Variants in FAM229B observed in about 807,000 individuals in gnomAD.
The protein encoded by FAM229B is family with sequence similarity 229 member B.
In FAM229B, 2 loss-of-function variants were observed where a neutral mutation model predicts 6.7. The ratio of observed to expected loss-of-function variants is 0.30; its 90% CI spans 0.12 to 0.94. The LOEUF (loss-of-function observed/expected upper bound fraction) is 0.94. Ranked by LOEUF, FAM229B falls within the 40% of genes least tolerant of loss-of-function variation. The probability of loss-of-function intolerance (pLI) is 0.54; values close to 1 mark genes in which losing one functional copy is unlikely to be tolerated. For synonymous variants in FAM229B, 29 were observed against 34.0 expected (o/e 0.85, Z 0.51); for missense variants, 93 against 96.2 (o/e 0.97, Z 0.14).
At chr6:112,091,373 C>G (rs1777254706) in intron 1 of FAM229B, among the ~76,000 whole-genome samples, 2 of 152,074 alleles carry the variant, frequency 1.3e-5, no homozygotes, top group South Asian at 4.1e-4. Flanking sequence ...AGGAAAGAAC[C>G]ACTGGAAATA....
At chr6:112,099,210 C>T (rs1406358032) in intron 2 of FAM229B, 60 bp from the exon 3 acceptor site, 4 of 1,429,126 alleles carry the variant, frequency 2.8e-6, no homozygotes, top group African/African-American at 2.8e-5. Context: ...CAATCTATCT[C>T]CACCCCCAAT....
intron 1 of FAM229B, among the ~76,000 whole-genome samples, chr6:112,090,989 C>G (rs1554318137): frequency 6.6e-6 from 1 of 151,654 alleles, no homozygotes; most frequent in Non-Finnish European, 1.5e-5. Flanking sequence ...CGTTGGACAT[C>G]TTTCTGATCT....
At chr6:112,091,504 C>T (rs998263095) in intron 1 of FAM229B, among the ~76,000 whole-genome samples, 2 of 152,066 alleles carry the variant, frequency 1.3e-5, no homozygotes, top group African/African-American at 4.8e-5. Context: ...AAAGGTACCT[C>T]AGTAGTGAAG....
At chr6:112,089,282 C>G (rs1255184788) in intron 1 of FAM229B, among the ~76,000 whole-genome samples, 1 of 150,330 alleles carries the variant, frequency 6.7e-6, no homozygotes, top group African/African-American at 2.5e-5. Flanking sequence ...GGAAGGAAGA[C>G]AAGGATGGAA....
chr6:112,087,652 CTG>C lies in FAM229B; in HGVS notation c.-242_-241del, dbSNP rs1364027373. ...TTACCGTAGCGACTGGGCTTCTGGACTGTATATCCTAGCTGCCTTGTCAACAT... is the reference window on the plus strand; with the variant it reads ...TTACCGTAGCGACTGGGCTTCTGGACTATATCCTAGCTGCCTTGTCAACAT... On this transcript the variant is annotated 5_prime_UTR_variant, in exon 1 of 4. Transcript: ENST00000368656. The C allele has an allele frequency of 1.6e-5, 9 of 553,402 alleles. No homozygotes were observed. Among genetic ancestry groups the C allele is most frequent in the Non-Finnish European group, 2.6e-5 (8 of 312,610 alleles). 34.3% of individuals were successfully genotyped at this position (553,402 alleles called of 1,614,324 possible). A position where few individuals can be genotyped will look rare whatever the true frequency, so the allele number is the denominator to read the frequency against.
intron 3 of FAM229B, 26 bp from the exon 4 acceptor site, chr6:112,100,644 T>C: frequency 6.7e-7 from 1 of 1,490,928 alleles, no homozygotes; most frequent in Non-Finnish European, 9.4e-7. Flanking sequence ...AGTATCTAAC[T>C]ACATGTCATC....
rs376203357 is a variant in FAM229B at position 112,099,263 on chromosome 6, G to A, written c.-14-7G>A. ...TAGGTTTTCAATATTTTAACTTTCCGATCTAGGTTTTCAGTGAAGTATGCC... is the reference window on the plus strand; with the variant it reads ...TAGGTTTTCAATATTTTAACTTTCCAATCTAGGTTTTCAGTGAAGTATGCC... On this transcript the variant is annotated splice_region_variant and splice_polypyrimidine_tract_variant and intron_variant, in intron 2 of 3. Transcript: ENST00000368656. 98 of 1,603,938 alleles carry A rather than the reference G, an allele frequency of 6.1e-5. 1 individual carries two copies. The highest frequency in any genetic ancestry group is 6.7e-5 in the Non-Finnish European group (79 of 1,176,006).
intron 2 of FAM229B, among the ~76,000 whole-genome samples, chr6:112,098,353 G>A (rs1554318886): frequency 6.6e-6 from 1 of 152,076 alleles, no homozygotes; most frequent in Non-Finnish European, 1.5e-5. Flanking sequence ...GTTTGTGTGT[G>A]TATTTCATAA....
Position 112,102,665 on chromosome 6 carries a change from C to T in FAM229B, c.*1878C>T, listed in dbSNP as rs1175221801. 1.3e-5 allele frequency: 2 copies of T among 152,000 alleles called. No homozygotes were observed. Among genetic ancestry groups the T allele is most frequent in the African/African-American group, 2.4e-5 (1 of 41,362 alleles). The allele number at this position is 152,000 out of a possible 1,614,324, so 9.4% of individuals were successfully genotyped here. ...GGAGATGGGAATAGACTGAAGACTA[C>T]TCTGGACTTGCCCTAACAGAGTTTA... On this transcript the variant is annotated 3_prime_UTR_variant, in exon 4 of 4. Coordinates refer to ENST00000368656, the MANE Select transcript of FAM229B (RefSeq NM_001033564.3).
chr6:112,093,161 G>T (rs1275786907), intron 1 of FAM229B, among the ~76,000 whole-genome samples: 7 of 151,850 alleles, frequency 4.6e-5, no homozygotes, highest in Non-Finnish European at 1.0e-4. Flanking sequence ...AACCCACTTG[G>T]AATATAATAA....
intron 3 of FAM229B, 114 bp from the exon 4 acceptor site, chr6:112,100,548 TGACATTCA>T: frequency 1.5e-6 from 1 of 656,442 alleles, no homozygotes; most frequent in Non-Finnish European, 2.7e-6. Context: ...ACTCATTGTA[TGACATTCA>T]GAGATTTCAA....
At position 112,088,066 on chromosome 6, in the gene FAM229B, G is replaced by C. The variant is rs17073323; in HGVS notation, c.-176+346G>C. Among the ~76,000 whole-genome samples the C allele has an allele frequency of 4.6e-3, 698 of 152,324 alleles. 17 individuals carry two copies. The East Asian group carries it at 0.068, about 15-fold the overall frequency. On this transcript the variant is annotated intron_variant, in intron 1 of 3. Coordinates refer to ENST00000368656, the MANE Select transcript of FAM229B (RefSeq NM_001033564.3). Reference sequence around the variant, plus strand: ...ACTCCCCAAATTAACTTGTAGGCTCGCTGGGAAGATTAGAAAGAAATTAAG... The same window carrying C: ...ACTCCCCAAATTAACTTGTAGGCTCCCTGGGAAGATTAGAAAGAAATTAAG...
At chr6:112,093,130 A>C (rs1195107272) in intron 1 of FAM229B, among the ~76,000 whole-genome samples, 1 of 151,966 alleles carries the variant, frequency 6.6e-6, no homozygotes, top group African/African-American at 2.4e-5. Context: ...AGCAAGACTC[A>C]AATATATACT....
At chr6:112,099,122 G>A in intron 2 of FAM229B, 148 bp from the exon 3 acceptor site, 1 of 661,496 alleles carries the variant, frequency 1.5e-6, no homozygotes, top group East Asian at 2.9e-5. Flanking sequence ...TTGCACTGGT[G>A]AATAACCATT....
intron 3 of FAM229B, 90 bp downstream of exon 3, chr6:112,099,498 A>T: frequency 7.8e-7 from 1 of 1,283,694 alleles, no homozygotes; most frequent in Non-Finnish European, 1.1e-6. Context: ...GCAAGAAAAA[A>T]CTCTCAGCAA....
intron 1 of FAM229B, among the ~76,000 whole-genome samples, chr6:112,095,674 A>G (rs1554318584): frequency 7.3e-6 from 1 of 136,286 alleles, no homozygotes; most frequent in Non-Finnish European, 1.5e-5. Context: ...AAAAAAAAAA[A>G]AAAGAAAAAA....
At chr6:112,090,653 A>G (rs74457405) in intron 1 of FAM229B, among the ~76,000 whole-genome samples, 76 of 152,124 alleles carry the variant, frequency 5.0e-4, no homozygotes, top group African/African-American at 1.7e-3. Flanking sequence ...TCTGGGGGCT[A>G]TGCTTTATGT....
intron 2 of FAM229B, 132 bp downstream of exon 2, chr6:112,097,333 G>GA (rs1777339767): frequency 6.6e-6 from 1 of 152,262 alleles, no homozygotes; most frequent in Non-Finnish European, 1.5e-5. Context: ...TCTTGATATT[G>GA]AGACAGTCTA....
intron 1 of FAM229B, among the ~76,000 whole-genome samples, chr6:112,089,999 A>G (rs1211605659): frequency 6.6e-6 from 1 of 152,208 alleles, no homozygotes; most frequent in Non-Finnish European, 1.5e-5. Context: ...AGAATTTTTT[A>G]GGTACCTAGG....
Sources: allele counts gnomAD v4.1 joint callset (sites outside exome capture counted in the v4.1 genomes callset), GRCh38; gene constraint gnomAD v4.1.1; transcripts MANE v1.5; gene names NCBI Gene and HGNC (gene_info 2026-07-23, HGNC 2026-07-21).